The following COG7 variants were observed in gnomAD, a reference collection of about 807,000 sequenced individuals.
COG7 encodes component of oligomeric golgi complex 7, also known as conserved oligomeric Golgi complex subunit 7.
Under a neutral mutation model 91.5 loss-of-function variants are expected in COG7, and 49 were observed. The observed-to-expected ratio is 0.54, with a 90% CI of 0.43 to 0.68. The LOEUF (loss-of-function observed/expected upper bound fraction) is 0.68, where lower values mean the gene tolerates loss of function less well. COG7 is among the 30% of genes least tolerant of loss of function. The probability of loss-of-function intolerance (pLI) is 0.00; values close to 1 mark genes in which losing one functional copy is unlikely to be tolerated. For synonymous variants in COG7, 365 were observed against 388.7 expected, an observed-to-expected ratio of 0.94 and a Z score of 0.72; for missense variants, 895 against 961.3, an observed-to-expected ratio of 0.93 and a Z score of 0.91.
At position 23,426,279 on chromosome 16, in the gene COG7, A is replaced by C. The variant is rs1428385168; in HGVS notation, c.811-1332T>G. On this transcript the variant is annotated intron_variant, in intron 6 of 16. Coordinates refer to ENST00000307149, the MANE Select transcript of COG7 (RefSeq NM_153603.4). ...CAACATGCCTTATGAATACACATGT[A>C]AACATCTTCAAGAAAACACTAGTAA... 2.0e-5 allele frequency among the ~76,000 whole-genome samples: 3 copies of C among 152,208 alleles called. No individual in the cohort carries two copies. The East Asian group carries it at 5.8e-4, about 29-fold the overall frequency.
At chr16:23,422,974 G>A (rs1230592930) in intron 7 of COG7, among the ~76,000 whole-genome samples, 6 of 151,282 alleles carry the variant, frequency 4.0e-5, no homozygotes, top group Non-Finnish European at 5.9e-5. Context: ...GAACCTGGGA[G>A]GCAGAGGTTG....
chr16:23,405,955 T>C lies in COG7; in HGVS notation c.1662+121A>G, dbSNP rs1963453213. The C allele has an allele frequency of 3.3e-5, 28 of 848,334 alleles. No homozygotes were observed. In the South Asian group the frequency reaches 3.6e-4, roughly 11 times the overall value. The allele number at this position is 848,334 out of a possible 1,614,324, so 52.6% of individuals were successfully genotyped here. On this transcript the variant is annotated intron_variant, in intron 12 of 16. Transcript: ENST00000307149. ...CAACATAAATGAGACAGAGAGGTAGTAGCAGGGTACGTCACAGCCCAGGGC... is the reference window on the plus strand; with the variant it reads ...CAACATAAATGAGACAGAGAGGTAGCAGCAGGGTACGTCACAGCCCAGGGC...
rs1596900499 is a variant in COG7, at chr16:23,389,091, G to T, written c.2147-5C>A. The T allele has an allele frequency of 6.2e-7, 1 of 1,613,560 alleles. No individual in the cohort carries two copies. Among genetic ancestry groups the T allele is most frequent in the Non-Finnish European group, 8.5e-7 (1 of 1,179,914 alleles). On this transcript the variant is annotated splice_polypyrimidine_tract_variant and splice_region_variant and intron_variant, in intron 16 of 16. Coordinates refer to ENST00000307149, the MANE Select transcript of COG7 (RefSeq NM_153603.4). ...CCATCACGTTGATCAGATAGTCTGT[G>T]GGGGCGGAGAGGAGACAGACAGAGC...
chr16:23,450,228 G>A (rs572358740), intron 1 of COG7, among the ~76,000 whole-genome samples: 82 of 152,126 alleles, frequency 5.4e-4, no homozygotes, highest in African/African-American at 1.9e-3. Context: ...GAGCCACTGC[G>A]CCCAGCCAAT....
At chr16:23,390,445 C>T (rs1025699460) in intron 16 of COG7, among the ~76,000 whole-genome samples, 2 of 151,998 alleles carry the variant, frequency 1.3e-5, no homozygotes, top group Admixed American at 1.3e-4. Context: ...CTGAGGTGAT[C>T]CACCCACCTC....
chr16:23,419,257 C>T (rs1963710566), intron 7 of COG7, among the ~76,000 whole-genome samples: 1 of 151,922 alleles, frequency 6.6e-6, no homozygotes, highest in African/African-American at 2.4e-5. Flanking sequence ...ACTAAAAATA[C>T]AAAATTAGCT....
chr16:23,426,200 A>C (rs1168598914), intron 6 of COG7, among the ~76,000 whole-genome samples: 1 of 152,234 alleles, frequency 6.6e-6, no homozygotes, highest in African/African-American at 2.4e-5. Context: ...TAGGTGACAG[A>C]GCAAGACTCT....
At chr16:23,441,531 C>T (rs375932613) in intron 4 of COG7, among the ~76,000 whole-genome samples, 12 of 152,188 alleles carry the variant, frequency 7.9e-5, no homozygotes, top group South Asian at 4.1e-4. Flanking sequence ...GCTGAGGTCA[C>T]GCCACTGCAC....
rs997433604 is a variant in COG7, at chr16:23,410,360, C to T, written c.1410G>A (p.Arg470=). 1.2e-6 allele frequency: 2 copies of T among 1,613,792 alleles called. No individual in the cohort carries two copies. The highest frequency in any genetic ancestry group is 4.5e-5 in the East Asian group (2 of 44,884). ...AAAGCTCTCCACAGGTGGCTATTATCCTAAACAAAACAAAAAGCACTTCAA... is the reference window on the plus strand; with the variant it reads ...AAAGCTCTCCACAGGTGGCTATTATTCTAAACAAAACAAAAAGCACTTCAA... The part of the protein sequence containing the change: ...EDWTAFQNSI[R]IIATCGELLR... Residue 470 remains arginine, a splice_region_variant and synonymous_variant, in exon 11 of 17, where the codon AGG becomes AGA. Transcript: ENST00000307149.
chr16:23,441,746 A>C (rs1171315420), intron 4 of COG7: 1 of 148,618 alleles, frequency 6.7e-6, no homozygotes, highest in Non-Finnish European at 1.5e-5. Context: ...ATAACTATTC[A>C]GGGAAAAGAA....
At chr16:23,445,614 C>T (rs1964168573) in intron 2 of COG7, among the ~76,000 whole-genome samples, 199 bp downstream of exon 2, 1 of 152,064 alleles carries the variant, frequency 6.6e-6, no homozygotes, top group Non-Finnish European at 1.5e-5. Context: ...GATCACGCCA[C>T]TGTACTGCAG....
chr16:23,438,881 G>T (rs1031026635), intron 4 of COG7, among the ~76,000 whole-genome samples: 1 of 151,932 alleles, frequency 6.6e-6, no homozygotes, highest in African/African-American at 2.4e-5. Context: ...CATATGGCCG[G>T]GTGTGGTGGC....
chr16:23,403,966 C>A (rs963720067), intron 12 of COG7, 132 bp from the exon 13 acceptor site: 4 of 996,968 alleles, frequency 4.0e-6, no homozygotes, highest in Non-Finnish European at 6.1e-6. Flanking sequence ...CCTGGCTGTG[C>A]CCCAGGCCCC....
At chr16:23,426,430 G>A (rs1338809395) in intron 6 of COG7, among the ~76,000 whole-genome samples, 3 of 152,140 alleles carry the variant, frequency 2.0e-5, no homozygotes, top group Non-Finnish European at 4.4e-5. Flanking sequence ...GCTCAGCCCT[G>A]TAATCCCAGC....
rs1183837884 is a variant in COG7, at chr16:23,413,419, A to G, written c.1409+29T>C. On this transcript the variant is annotated intron_variant, in intron 10 of 16. Coordinates refer to ENST00000307149, the MANE Select transcript of COG7 (RefSeq NM_153603.4). ...CATGTTTATGCTGGCTACATTAGGA[A>G]CAAGCTTGAATTACAACCCCCGGTT... The G allele has an allele frequency of 3.7e-6, 4 of 1,083,534 alleles. No homozygotes were observed. The South Asian group carries it at 3.7e-5, about 10-fold the overall frequency. The allele number at this position is 1,083,534 out of a possible 1,614,324, so 67.1% of individuals were successfully genotyped here.
Position 23,417,098 on chromosome 16 carries a change from ACAGT to A in COG7, c.1157_1160del (p.Asp386ValfsTer5). 1 of 1,614,234 alleles carries A rather than the reference ACAGT, an allele frequency of 6.2e-7. No individual in the cohort carries two copies. The highest frequency in any genetic ancestry group is 8.5e-7 in the Non-Finnish European group (1 of 1,180,036). On this transcript the variant is annotated frameshift_variant, in exon 9 of 17. Coordinates refer to ENST00000307149, the MANE Select transcript of COG7 (RefSeq NM_153603.4). LOFTEE classifies it high-confidence loss of function. ...TCACGGAGTGGCTCAGCTCCTGCACACAGTCAATCACTTCCCCATGCTCCTGGTC... is the reference window on the plus strand; with the variant it reads ...TCACGGAGTGGCTCAGCTCCTGCACACAATCACTTCCCCATGCTCCTGGTC...
chr16:23,446,911 C>A (rs1269836351), intron 1 of COG7: 1 of 148,794 alleles, frequency 6.7e-6, no homozygotes, highest in African/African-American at 2.5e-5. Context: ...ACCACCAGGA[C>A]TGAATAATTT....
chr16:23,398,919 G>C (rs2142062473), intron 13 of COG7, among the ~76,000 whole-genome samples: 1 of 152,286 alleles, frequency 6.6e-6, no homozygotes, highest in Non-Finnish European at 1.5e-5. Flanking sequence ...GTTGGGTAAA[G>C]GACCTGTGCA....
At chr16:23,434,040 T>G (rs1001681948) in intron 5 of COG7, among the ~76,000 whole-genome samples, 3 of 152,170 alleles carry the variant, frequency 2.0e-5, no homozygotes, top group Admixed American at 6.5e-5. Context: ...CACAGAGCAC[T>G]GGACTTGAAG....
Sources: allele counts gnomAD v4.1 joint callset (sites outside exome capture counted in the v4.1 genomes callset), GRCh38; gene constraint gnomAD v4.1.1; transcripts MANE v1.5; gene names NCBI Gene and HGNC (gene_info 2026-07-23, HGNC 2026-07-21).